The following ZNF185 variants were observed in gnomAD, a reference collection of about 807,000 sequenced individuals.
The protein encoded by ZNF185 is zinc finger protein 185.
Under a neutral mutation model 58.6 loss-of-function variants are expected in ZNF185, and 56 were observed. The ratio of observed to expected loss-of-function variants is 0.95; its 90% CI spans 0.77 to 1.19. The LOEUF (loss-of-function observed/expected upper bound fraction) is 1.19. Among genes scored for constraint, ZNF185 ranks in the 50% most tolerant of loss-of-function variants. The probability of loss-of-function intolerance (pLI) is 0.00; values close to 1 mark genes in which losing one functional copy is unlikely to be tolerated. For missense variants in ZNF185, 627 were observed against 573.5 expected, an observed-to-expected ratio of 1.09 and a Z score of -0.95; for synonymous variants, 230 against 215.9, an observed-to-expected ratio of 1.07 and a Z score of -0.57.
At chrX:152,962,715 G>A (rs1292334658) in intron 17 of ZNF185, among the ~76,000 whole-genome samples, 1 of 112,403 alleles carries the variant, frequency 8.9e-6, no homozygotes, top group Non-Finnish European at 1.9e-5. Flanking sequence ...CAGGCCCTCA[G>A]GAAGGGCTTC....
chrX:152,939,425 G>T (rs782777685), intron 15 of ZNF185, among the ~76,000 whole-genome samples: 2 of 111,945 alleles, frequency 1.8e-5, no homozygotes, highest in Non-Finnish European at 3.8e-5. Flanking sequence ...ACTTAGCCAA[G>T]GCCTTACAAG....
chrX:152,922,697 C>T, intron 10 of ZNF185, 23 bp from the exon 12 acceptor site: 2 of 1,185,008 alleles, frequency 1.7e-6, no homozygotes, highest in Non-Finnish European at 1.1e-6. Context: ...TCCAGAGCCT[C>T]TCACAGCCAC....
At chrX:152,910,638 T>A (rs1460981537), upstream of ZNF185, among the ~76,000 whole-genome samples, 1 of 112,499 alleles carries the variant, frequency 8.9e-6, no homozygotes, top group Non-Finnish European at 1.9e-5. Context: ...ACCCCCATAC[T>A]CAACACTGTG....
chrX:152,967,157 C>G lies in ZNF185; in HGVS notation c.1800-10C>G. On this transcript the variant is annotated splice_polypyrimidine_tract_variant and intron_variant, in intron 19 of 22. Coordinates refer to ENST00000449285, the Ensembl canonical transcript of ZNF185. ...CTCTGCCCTCCTCTCCCCTATCAAA[C>G]TCCCTGCAGCGTCAGCAGCATTGAG... is the stretch of plus-strand genomic sequence containing the variant. The G allele has an allele frequency of 8.3e-7, 1 of 1,209,775 alleles. No homozygotes were observed. Among genetic ancestry groups the G allele is most frequent in the Non-Finnish European group, 1.1e-6 (1 of 894,109 alleles).
upstream of ZNF185, among the ~76,000 whole-genome samples, chrX:152,911,180 G>A (rs1316439341): frequency 1.8e-5 from 2 of 111,800 alleles, no homozygotes; most frequent in African/African-American, 3.3e-5. Flanking sequence ...TCGACGTGCC[G>A]GGCCCTGAGG....
At chrX:152,938,738 A>C (rs1412400395) in intron 15 of ZNF185, among the ~76,000 whole-genome samples, 2 of 111,241 alleles carry the variant, frequency 1.8e-5, no homozygotes, top group African/African-American at 6.6e-5. Flanking sequence ...ACAGTCTCTC[A>C]AAGGTTTATG....
chrX:152,936,622 A>C, intron 14 of ZNF185, 109 bp downstream of exon 16: 9 of 650,759 alleles, frequency 1.4e-5, no homozygotes, highest in South Asian at 2.7e-5. Context: ...TCTCAGCTCC[A>C]TGCCACTTTC....
At chrX:152,936,459 A>C in intron 14 of ZNF185, 1 of 1,166,671 alleles carries the variant, frequency 8.6e-7, no homozygotes, top group Non-Finnish European at 1.1e-6. Flanking sequence ...CTGGAAGACC[A>C]GGATGGGCAC....
upstream of ZNF185, among the ~76,000 whole-genome samples, chrX:152,910,603 G>A (rs1317596423): frequency 3.7e-4 from 41 of 112,048 alleles, no homozygotes; most frequent in Admixed American, 3.4e-3. Flanking sequence ...TGATTGATGG[G>A]CATGTAGATT....
the ZNF185 span, among the ~76,000 whole-genome samples, chrX:152,909,381 G>A: frequency 9.8e-5 from 11 of 112,437 alleles, no homozygotes; most frequent in Admixed American, 5.6e-4. Flanking sequence ...CGTGAGCCTC[G>A]TGAGCAGGGA....
chrX:152,940,310 A>T (rs1163136006), intron 15 of ZNF185, among the ~76,000 whole-genome samples: 1 of 108,216 alleles, frequency 9.2e-6, no homozygotes, highest in Non-Finnish European at 1.9e-5. Flanking sequence ...TTCTAGGGAG[A>T]CATAAGACAT....
chrX:152,946,595 A>G (rs2047809889), intron 16 of ZNF185, among the ~76,000 whole-genome samples: 1 of 111,352 alleles, frequency 9.0e-6, no homozygotes, highest in Non-Finnish European at 1.9e-5. Context: ...TGGATGAAGG[A>G]GGAGGCGAGT....
chrX:152,911,857 TCCATCCATC>T (rs1556861951), upstream of ZNF185, among the ~76,000 whole-genome samples: 1 of 51,018 alleles, frequency 2.0e-5, no homozygotes, highest in Non-Finnish European at 3.5e-5. Flanking sequence ...TCCCATTCCA[TCCATCCATC>T]CCATCCATCC....
chrX:152,949,778 T>TA (rs1348157081), intron 16 of ZNF185, among the ~76,000 whole-genome samples: 12 of 111,342 alleles, frequency 1.1e-4, no homozygotes, highest in Admixed American at 8.6e-4. Flanking sequence ...ATGGAAAAAT[T>TA]AAAAAAAATC....
intron 11 of ZNF185, among the ~76,000 whole-genome samples, chrX:152,928,201 C>G (rs1941238039): frequency 1.8e-5 from 2 of 112,472 alleles, no homozygotes; most frequent in South Asian, 7.3e-4. Flanking sequence ...TCAGTCCCCA[C>G]CAGTCCATGA....
At chrX:152,922,237 T>C in exon 10 of ZNF185, 10 of 1,185,558 alleles carry the variant, frequency 8.4e-6, no homozygotes, top group Non-Finnish European at 1.1e-5. Context: ...TCTGGCAAGA[T>C]CCACTCCTGG....
chrX:152,961,232 T>G (rs1363107247), intron 17 of ZNF185, among the ~76,000 whole-genome samples: 4 of 111,921 alleles, frequency 3.6e-5, no homozygotes, highest in African/African-American at 1.3e-4. Flanking sequence ...CATGATCCAT[T>G]GCTTTGATAG....
rs1393506378 is a variant in ZNF185, at chrX:152,961,441, T to G, written c.1607+1545T>G. Among the ~76,000 whole-genome samples, 59 of 112,209 alleles carry G rather than the reference T, an allele frequency of 5.3e-4. 3 individuals carry two copies. Among genetic ancestry groups the G allele is most frequent in the Non-Finnish European group, 1.7e-4 (9 of 53,246 alleles). On this transcript the variant is annotated intron_variant, in intron 17 of 22. Transcript: ENST00000449285. Reference sequence around the variant, plus strand: ...CTGTGTGAGGCCAGAGGTCCTTGCTTTATCACTGCCTGGAGCTGCAGTTGA... The same window carrying G: ...CTGTGTGAGGCCAGAGGTCCTTGCTGTATCACTGCCTGGAGCTGCAGTTGA...
At chrX:152,938,777 G>C (rs1287196124) in intron 15 of ZNF185, among the ~76,000 whole-genome samples, 1 of 109,902 alleles carries the variant, frequency 9.1e-6, no homozygotes, top group African/African-American at 3.3e-5. Flanking sequence ...CAAAAGCCTG[G>C]AGCCTAGGTC....
Sources: gnomAD v4.1 joint callset for allele counts (sites outside exome capture counted in the v4.1 genomes callset) on GRCh38, gnomAD v4.1.1 for gene constraint, MANE v1.5 for transcripts, NCBI Gene and HGNC (gene_info 2026-07-23, HGNC 2026-07-21) for gene names.